KLHL1: variants seen among roughly 807,000 people sequenced by gnomAD.
KLHL1 encodes the protein kelch-like protein 1.
KLHL1 carries 47 observed loss-of-function variants against 77.7 expected under a neutral mutation model. That is an observed-to-expected ratio of 0.60 (90% CI 0.48 to 0.77). The LOEUF is 0.77. Among genes scored for constraint, KLHL1 ranks in the 30% least tolerant of loss-of-function variants. The probability of loss-of-function intolerance (pLI) is 0.00; values close to 1 mark genes in which losing one functional copy is unlikely to be tolerated. For missense variants in KLHL1, 925 were observed against 910.8 expected (o/e 1.02, Z -0.20); for synonymous variants, 360 against 325.2 (o/e 1.11, Z -1.15).
At chr13:69,714,239 A>T (rs548197518) in intron 9 of KLHL1, among the ~76,000 whole-genome samples, 2 of 152,206 alleles carry the variant, frequency 1.3e-5, no homozygotes, top group African/African-American at 2.4e-5. Flanking sequence ...TTCTATTTTG[A>T]CTTACGTCAT....
chr13:69,942,558 A>G (rs1883398813), intron 3 of KLHL1, among the ~76,000 whole-genome samples: 1 of 152,032 alleles, frequency 6.6e-6, no homozygotes, highest in Non-Finnish European at 1.5e-5. Context: ...CATAATAACT[A>G]TTTTTTCCAT....
intron 2 of KLHL1, among the ~76,000 whole-genome samples, chr13:69,971,026 A>C (rs1215702103): frequency 6.6e-6 from 1 of 152,068 alleles, no homozygotes; most frequent in Non-Finnish European, 1.5e-5. Flanking sequence ...ACCATATTTC[A>C]AAACTACCTT....
intron 1 of KLHL1, among the ~76,000 whole-genome samples, chr13:69,989,135 T>C (rs59070716): frequency 0.15 from 22,535 of 152,110 alleles, 3,445 homozygotes; most frequent in African/African-American, 0.39. Context: ...ATGATTTTTG[T>C]ATATAGTGTA....
intron 1 of KLHL1, among the ~76,000 whole-genome samples, chr13:69,978,692 T>G (rs1884619449): frequency 6.6e-6 from 1 of 151,922 alleles, no homozygotes; most frequent in Admixed American, 6.6e-5. Flanking sequence ...TCACCATGTT[T>G]GTCAGGCTGG....
At chr13:70,076,129 A>G (rs1453560855) in intron 1 of KLHL1, among the ~76,000 whole-genome samples, 2 of 151,928 alleles carry the variant, frequency 1.3e-5, no homozygotes, top group South Asian at 2.1e-4. Flanking sequence ...AAATTGACAA[A>G]TTTATTCTAA....
At chr13:69,833,826 T>C (rs540777490) in intron 6 of KLHL1, among the ~76,000 whole-genome samples, 113 of 146,596 alleles carry the variant, frequency 7.7e-4, no homozygotes, top group Middle Eastern at 3.5e-3. Context: ...CACACACACA[T>C]GTATACATAT....
intron 6 of KLHL1, among the ~76,000 whole-genome samples, chr13:69,797,693 G>A (rs1250978115): frequency 6.6e-6 from 1 of 151,644 alleles, no homozygotes; most frequent in Non-Finnish European, 1.5e-5. Flanking sequence ...GCTGGGCATG[G>A]TGGCAGGTGC....
chr13:69,787,814 AAAAC>A (rs559785030), intron 7 of KLHL1, among the ~76,000 whole-genome samples: 5,678 of 152,282 alleles, frequency 0.037, 130 homozygotes, highest in Middle Eastern at 0.068. Flanking sequence ...TTACAAGAAA[AAAAC>A]AAACAACCCC....
chr13:69,956,771 C>T (rs905279497), intron 3 of KLHL1, among the ~76,000 whole-genome samples: 2 of 151,532 alleles, frequency 1.3e-5, no homozygotes, highest in African/African-American at 4.8e-5. Context: ...TAATTTAAAA[C>T]AGACCAACAC....
rs1192062317 is a variant in KLHL1, at chr13:69,751,342, C to T, written c.1640-10786G>A. On this transcript the variant is annotated intron_variant, in intron 7 of 10. Transcript: ENST00000377844. ...TATAAGTTCATACCCTCACAGAACG[C>T]GTACAGGTGGATATGAAGGGAAAAG... is the stretch of plus-strand genomic sequence containing the variant. Among the ~76,000 whole-genome samples, 5 of 151,864 alleles carry T rather than the reference C, an allele frequency of 3.3e-5. No homozygotes were observed. The East Asian group carries it at 7.8e-4, about 24-fold the overall frequency.
At chr13:70,069,601 T>G (rs1887093398) in intron 1 of KLHL1, among the ~76,000 whole-genome samples, 1 of 151,938 alleles carries the variant, frequency 6.6e-6, no homozygotes, top group Non-Finnish European at 1.5e-5. Context: ...CAATAGCAGA[T>G]GGATAATATA....
chr13:69,794,488 A>G (rs1028228615), intron 7 of KLHL1, among the ~76,000 whole-genome samples: 2 of 152,014 alleles, frequency 1.3e-5, no homozygotes, highest in African/African-American at 4.8e-5. Context: ...GGAATTAGAA[A>G]GAAGAGCAGG....
chr13:69,956,088 A>T (rs952738428), intron 3 of KLHL1, among the ~76,000 whole-genome samples: 5 of 139,572 alleles, frequency 3.6e-5, no homozygotes, highest in Middle Eastern at 3.7e-3. Flanking sequence ...ATATATTTTT[A>T]TATATTTGAT....
intron 5 of KLHL1, among the ~76,000 whole-genome samples, chr13:69,850,498 C>T (rs1219849875): frequency 6.6e-6 from 1 of 151,542 alleles, no homozygotes; most frequent in Non-Finnish European, 1.5e-5. Context: ...CATTTCACTA[C>T]TCCCAAATAC....
chr13:69,979,276 G>T (rs568711410), intron 1 of KLHL1, among the ~76,000 whole-genome samples: 1 of 151,776 alleles, frequency 6.6e-6, no homozygotes, highest in Non-Finnish European at 1.5e-5. Flanking sequence ...TTCTCTTCAA[G>T]GTCATTAATC....
At chr13:70,079,969 G>A (rs973309610) in intron 1 of KLHL1, among the ~76,000 whole-genome samples, 1 of 152,142 alleles carries the variant, frequency 6.6e-6, no homozygotes, top group African/African-American at 2.4e-5. Context: ...TTCACACCAG[G>A]ATGTGATGGT....
chr13:70,063,963 C>A (rs1296846357), intron 1 of KLHL1, among the ~76,000 whole-genome samples: 1 of 151,982 alleles, frequency 6.6e-6, no homozygotes, highest in African/African-American at 2.4e-5. Context: ...TCAAAATTAA[C>A]CAAAACATCA....
At position 69,841,571 on chromosome 13, in the gene KLHL1, T is replaced by TA. The variant is rs775940186; in HGVS notation, c.1228-2410dup. ...AGAAATTGAAGATAACACAAACAAA[T>TA]AAAAAAAATCCCATGCTCACAGATC... On this transcript the variant is annotated intron_variant, in intron 5 of 10. Transcript: ENST00000377844. Among the ~76,000 whole-genome samples the TA allele has an allele frequency of 6.6e-5, 10 of 151,412 alleles. No homozygotes were observed. In the East Asian group the frequency reaches 1.4e-3, roughly 21 times the overall value.
chr13:69,942,172 A>T (rs1008382061), intron 3 of KLHL1, among the ~76,000 whole-genome samples: 5 of 151,870 alleles, frequency 3.3e-5, no homozygotes, highest in African/African-American at 1.2e-4. Flanking sequence ...TTATATTTTC[A>T]TTTATATATA....
Sources: allele counts gnomAD v4.1 joint callset (sites outside exome capture counted in the v4.1 genomes callset), GRCh38; gene constraint gnomAD v4.1.1; transcripts MANE v1.5; gene names NCBI Gene and HGNC (gene_info 2026-07-23, HGNC 2026-07-21).